Variants in SEPTIN7 observed in about 807,000 individuals in gnomAD.
SEPTIN7 encodes the protein septin-7.
In SEPTIN7, 10 loss-of-function variants were observed where a neutral mutation model predicts 63.3. The observed-to-expected ratio is 0.16, with a 90% confidence interval of 0.10 to 0.27. The LOEUF (loss-of-function observed/expected upper bound fraction) is 0.27. Ranked by LOEUF, SEPTIN7 falls within the 10% of genes least tolerant of loss-of-function variation. SEPTIN7 has a pLI of 1.00. For synonymous variants in SEPTIN7, 131 were observed against 165.3 expected, an observed-to-expected ratio of 0.79 and a Z score of 1.59; for missense variants, 310 against 521.0, an observed-to-expected ratio of 0.59 and a Z score of 3.94.
intron 3 of SEPTIN7, among the ~76,000 whole-genome samples, chr7:35,849,447 C>T (rs536519687): frequency 2.6e-5 from 4 of 152,056 alleles, no homozygotes; most frequent in Non-Finnish European, 5.9e-5. Flanking sequence ...CTGATGCTGC[C>T]GCTGGTCTGA....
Position 35,827,187 on chromosome 7 carries a change from T to A in SEPTIN7, c.62-4305T>A, listed in dbSNP as rs144293343. On this transcript the variant is annotated intron_variant, in intron 1 of 13. Coordinates refer to ENST00000350320, the MANE Select transcript of SEPTIN7 (RefSeq NM_001788.6). The stretch of plus-strand genomic sequence containing the variant: ...AAGATTATTTGATAAATGTTTCTTC[T>A]TAAATGACTAATGTTTGAAATCAAG... Among the ~76,000 whole-genome samples, 10 of 152,356 alleles carry A rather than the reference T, an allele frequency of 6.6e-5. No individual in the cohort carries two copies. The East Asian group carries it at 1.7e-3, about 26-fold the overall frequency.
chr7:35,873,535 G>T, intron 5 of SEPTIN7, 106 bp from the exon 6 acceptor site: 3 of 1,031,832 alleles, frequency 2.9e-6, no homozygotes, highest in Admixed American at 3.1e-5. Flanking sequence ...TCTTCTACTG[G>T]TAAATTCATT....
intron 1 of SEPTIN7, among the ~76,000 whole-genome samples, chr7:35,813,219 A>G (rs1049916737): frequency 8.5e-5 from 13 of 152,348 alleles, no homozygotes; most frequent in African/African-American, 2.9e-4. Context: ...AAGTTACAGC[A>G]GATACTGGAA....
chr7:35,891,016 A>G (rs958835079), intron 11 of SEPTIN7, among the ~76,000 whole-genome samples: 13 of 152,192 alleles, frequency 8.5e-5, no homozygotes, highest in Admixed American at 2.0e-4. Context: ...GAAACAAAGG[A>G]CAGGCTTTAA....
In SEPTIN7 at chr7:35,872,742, G is replaced by T; in HGVS notation, c.353G>T (p.Gly118Val). ...ACAATAGTTGATACCCCAGGATTTG[G>T]AGATGCAGTGGATAATAGTAATTGG... ...LLTIVDTPGFGDAVDNSNCWQ... is the reference protein window; with the variant it reads ...LLTIVDTPGFVDAVDNSNCWQ... The change falls in exon 5 of 14, where the codon GGA (glycine) becomes GTA (valine). Residue 118 changes from glycine (G) to valine (V), a missense_variant. Physicochemically the swap from Gly to Val is moderately radical, Grantham distance 109. Around this residue, in one of 2 missense-constraint regions of SEPTIN7, gnomAD observed 255 missense variants for 490.5 expected, o/e 0.52. Coordinates refer to ENST00000350320, the MANE Select transcript of SEPTIN7 (RefSeq NM_001788.6). The T allele has an allele frequency of 6.2e-7, 1 of 1,610,848 alleles. No individual in the cohort carries two copies. Among genetic ancestry groups the T allele is most frequent in the Non-Finnish European group, 8.5e-7 (1 of 1,177,140 alleles).
At chr7:35,813,291 T>C (rs1031837715) in intron 1 of SEPTIN7, among the ~76,000 whole-genome samples, 4 of 152,200 alleles carry the variant, frequency 2.6e-5, no homozygotes, top group African/African-American at 9.6e-5. Flanking sequence ...TTAAAAACTT[T>C]TAGGTCATCA....
chr7:35,804,880 A>G (rs574098242), intron 1 of SEPTIN7, among the ~76,000 whole-genome samples: 1 of 125,228 alleles, frequency 8.0e-6, no homozygotes, highest in Non-Finnish European at 1.6e-5. Context: ...CTTGCTGCCC[A>G]TGCTGGAGTG....
At chr7:35,912,921 C>G in the SEPTIN7 span, among the ~76,000 whole-genome samples, 1 of 152,220 alleles carries the variant, frequency 6.6e-6, no homozygotes, top group African/African-American at 2.4e-5. Context: ...TATTGCATGG[C>G]ATTATTGCCA....
chr7:35,885,967 T>A lies in SEPTIN7; in HGVS notation c.872+88T>A. 6 of 828,768 alleles carry A rather than the reference T, an allele frequency of 7.2e-6. No individual in the cohort carries two copies. In the South Asian group the frequency reaches 9.4e-5, roughly 13 times the overall value. The allele number at this position is 828,768 out of a possible 1,614,324, so 51.3% of individuals were successfully genotyped here. ...ATTTACTTTTTGCCTTCTATAAATG[T>A]AGCTAATTTAAATTTATATCTTCAG... is the stretch of plus-strand genomic sequence containing the variant. On this transcript the variant is annotated intron_variant, in intron 10 of 13. Coordinates refer to ENST00000350320, the MANE Select transcript of SEPTIN7 (RefSeq NM_001788.6).
intron 3 of SEPTIN7, among the ~76,000 whole-genome samples, chr7:35,843,687 A>G (rs74360420): frequency 0.01 from 1,568 of 152,314 alleles, 33 homozygotes; most frequent in East Asian, 0.08. Context: ...TGGGAAATTA[A>G]AATTATCTGC....
intron 1 of SEPTIN7, among the ~76,000 whole-genome samples, chr7:35,828,825 A>G (rs2115856244): frequency 6.6e-6 from 1 of 152,318 alleles, no homozygotes; most frequent in East Asian, 1.9e-4. Flanking sequence ...TAGTGGCATG[A>G]TCACAGCTCA....
intron 3 of SEPTIN7, among the ~76,000 whole-genome samples, chr7:35,849,616 A>C (rs1005078048): frequency 3.9e-5 from 6 of 152,200 alleles, no homozygotes; most frequent in African/African-American, 1.4e-4. Context: ...AAAGTAAAAC[A>C]AAGAATAGCG....
At chr7:35,885,698 A>G in intron 9 of SEPTIN7, 130 bp from the exon 10 acceptor site, 2 of 706,826 alleles carry the variant, frequency 2.8e-6, no homozygotes, top group Non-Finnish European at 5.1e-6. Context: ...GTTAGTGTTA[A>G]ATCTCAAAAA....
intron 11 of SEPTIN7, among the ~76,000 whole-genome samples, chr7:35,893,353 TCA>T (rs529146345): frequency 2.4e-4 from 37 of 152,310 alleles, no homozygotes; most frequent in East Asian, 1.2e-3. Flanking sequence ...AATGTATGTT[TCA>T]CAAAGTGCTA....
intron 1 of SEPTIN7, chr7:35,812,160 T>G (rs60122976): frequency 2.2e-3 from 391 of 178,006 alleles, no homozygotes; most frequent in African/African-American, 8.3e-3. Flanking sequence ...AAAACAGTTT[T>G]TAGAGAGATG....
intron 12 of SEPTIN7, chr7:35,900,237 T>C (rs944014189): frequency 3.9e-5 from 6 of 152,382 alleles, no homozygotes; most frequent in Non-Finnish European, 8.8e-5. Flanking sequence ...TAATTTCTTA[T>C]TAAAATCTTT....
chr7:35,861,773 T>G (rs547384567), intron 3 of SEPTIN7, among the ~76,000 whole-genome samples: 1 of 152,262 alleles, frequency 6.6e-6, no homozygotes, highest in East Asian at 1.9e-4. Context: ...CCAGAGAGGT[T>G]AAAATGTTAC....
intron 6 of SEPTIN7, among the ~76,000 whole-genome samples, chr7:35,879,319 A>T (rs1398875788): frequency 6.6e-6 from 1 of 152,002 alleles, no homozygotes; most frequent in East Asian, 1.9e-4. Context: ...CATTGTGTCT[A>T]CAAAAAATAC....
chr7:35,890,228 T>C (rs1015187758), intron 10 of SEPTIN7, among the ~76,000 whole-genome samples: 2 of 152,218 alleles, frequency 1.3e-5, no homozygotes, highest in African/African-American at 2.4e-5. Flanking sequence ...CAACTTGATA[T>C]GTGATCTGAA....
Sources: allele counts gnomAD v4.1 joint callset (sites outside exome capture counted in the v4.1 genomes callset), GRCh38; gene constraint gnomAD v4.1.1; regional missense constraint gnomAD v4.1.1; transcripts MANE v1.5; gene names NCBI Gene and HGNC (gene_info 2026-07-23, HGNC 2026-07-21).